AFAP1: variants seen among roughly 807,000 people sequenced by gnomAD.
AFAP1 encodes actin filament-associated protein 1.
A neutral mutation model predicts 93.9 loss-of-function variants in AFAP1; 75 were observed. That is an observed-to-expected ratio of 0.80 (90% confidence interval 0.66 to 0.97). The LOEUF (loss-of-function observed/expected upper bound fraction) is 0.97, where lower values mean the gene tolerates loss of function less well. AFAP1 is among the 50% of genes least tolerant of loss of function. The probability of loss-of-function intolerance (pLI) is 0.00; values close to 1 mark genes in which losing one functional copy is unlikely to be tolerated. For synonymous variants in AFAP1, 517 were observed against 430.7 expected, an observed-to-expected ratio of 1.20 and a Z score of -2.48; for missense variants, 1,201 against 1,050.8, an observed-to-expected ratio of 1.14 and a Z score of -1.98.
chr4:7,800,558 T>A lies in AFAP1; in HGVS notation c.1150A>T (p.Lys384Ter), dbSNP rs773131032. The A allele has an allele frequency of 6.2e-7, 1 of 1,614,204 alleles. No individual in the cohort carries two copies. The highest frequency in any genetic ancestry group is 8.5e-7 in the Non-Finnish European group (1 of 1,180,032). Residue 384 changes from lysine to a stop codon, truncating the protein, a stop_gained, in exon 10 of 18, where the codon AAG becomes TAG. Transcript: ENST00000420658. LOFTEE classifies it high-confidence loss of function. ...LIFHKDRTDLKTHIVSIPLRG... is the reference protein window; with the variant it reads ...LIFHKDRTDL The stretch of plus-strand genomic sequence containing the variant: ...AGCGGAATAGACACAATATGGGTCT[T>A]CAGGTCGGTCCTGTCCTTGTGGAAA...
intron 1 of AFAP1, among the ~76,000 whole-genome samples, chr4:7,887,684 G>A (rs1304637687): frequency 3.3e-5 from 5 of 152,124 alleles, no homozygotes; most frequent in Admixed American, 2.0e-4. Flanking sequence ...GAATATTCAC[G>A]TACGCATATA....
chr4:7,939,707 C>A lies in AFAP1; in HGVS notation c.-54G>T, dbSNP rs1029450408. The stretch of plus-strand genomic sequence containing the variant: ...CTCCTCGCCGCGGCGCCTGGGCCGA[C>A]TGGAGCGCAGCTGAACAGCCGACAG... On this transcript the variant is annotated 5_prime_UTR_variant, in exon 1 of 18. Transcript: ENST00000420658. The surrounding 1 kb of genome is among the most constrained non-coding windows in gnomAD (Gnocchi z 5.6). 9.6e-6 allele frequency: 4 copies of A among 415,012 alleles called. No individual in the cohort carries two copies. Among genetic ancestry groups the A allele is most frequent in the Non-Finnish European group, 1.9e-5 (4 of 209,864 alleles). The allele number at this position is 415,012 out of a possible 1,614,324, so 25.7% of individuals were successfully genotyped here.
intron 1 of AFAP1, among the ~76,000 whole-genome samples, chr4:7,913,367 G>T (rs141751616): frequency 4.1e-5 from 6 of 145,010 alleles, no homozygotes; most frequent in Non-Finnish European, 9.0e-5. Context: ...TCCAGCCTGG[G>T]AGACAGTAAG....
At chr4:7,850,757 C>T (rs1489920667) in intron 4 of AFAP1, among the ~76,000 whole-genome samples, 3 of 152,344 alleles carry the variant, frequency 2.0e-5, no homozygotes, top group East Asian at 1.9e-4. Flanking sequence ...TCTCCCGCTT[C>T]GGTGTTTTGT....
Position 7,759,588 on chromosome 4 carries a change from C to T in AFAP1, c.*4177G>A, listed in dbSNP as rs552269033. The T allele has an allele frequency of 6.7e-4, 102 of 152,812 alleles. No individual in the cohort carries two copies. Among genetic ancestry groups the T allele is most frequent in the African/African-American group, 2.4e-3 (98 of 41,582 alleles). The allele number at this position is 152,812 out of a possible 1,614,324, so 9.5% of individuals were successfully genotyped here. A position where few individuals can be genotyped will look rare whatever the true frequency, so the allele number is the denominator to read the frequency against. The stretch of plus-strand genomic sequence containing the variant: ...AACCAGGAAAAAATGAATTATCCTC[C>T]TTCAAACTATGTCATGAACTTGAAG... On this transcript the variant is annotated 3_prime_UTR_variant, in exon 18 of 18. Transcript: ENST00000420658.
At chr4:7,772,704 C>T (rs1715600293) in intron 16 of AFAP1, 116 bp downstream of exon 16, 1 of 964,640 alleles carries the variant, frequency 1.0e-6, no homozygotes. Context: ...GCTGGGCACA[C>T]TAAGGGGCCA....
chr4:7,817,642 G>A (rs56244096), intron 7 of AFAP1, among the ~76,000 whole-genome samples: 21,234 of 151,394 alleles, frequency 0.14, 1,665 homozygotes, highest in East Asian at 0.25. Context: ...TAATGGGGGG[G>A]GCAGTTACAT....
intron 12 of AFAP1, 98 bp downstream of exon 12, chr4:7,786,096 C>T (rs1321956092): frequency 2.7e-6 from 3 of 1,120,452 alleles, no homozygotes; most frequent in Admixed American, 1.9e-5. Flanking sequence ...AAAAAGCTGA[C>T]CTTATTCAGA....
rs1714082153 is a variant in AFAP1, at chr4:7,763,348, C to G, written c.*417G>C. 5.0e-6 allele frequency: 1 copy of G among 200,204 alleles called. No homozygotes were observed. Among genetic ancestry groups the G allele is most frequent in the Non-Finnish European group, 1.0e-5 (1 of 98,912 alleles). 12.4% of individuals were successfully genotyped at this position (200,204 alleles called of 1,614,324 possible). A position where few individuals can be genotyped will look rare whatever the true frequency, so the allele number is the denominator to read the frequency against. On this transcript the variant is annotated 3_prime_UTR_variant, in exon 18 of 18. Transcript: ENST00000420658. ...GTGCCCATGGCCAGCCACACTCATG[C>G]CCGGGGCAGCCGGGGATCCAAGCTC...
intron 16 of AFAP1, 26 bp from the exon 17 acceptor site, chr4:7,769,034 T>G (rs1442543146): frequency 6.4e-7 from 1 of 1,565,008 alleles, no homozygotes; most frequent in Non-Finnish European, 8.7e-7. Context: ...GAACCCCATG[T>G]GATGAGCGGT....
At chr4:7,868,527 T>C in intron 3 of AFAP1, 95 bp downstream of exon 3, 1 of 1,071,988 alleles carries the variant, frequency 9.3e-7, no homozygotes, top group Non-Finnish European at 1.3e-6. Context: ...AGGGCTCCAT[T>C]CTTCCACACC....
chr4:7,815,961 TTTTG>T (rs1469335548), intron 8 of AFAP1, 53 bp downstream of exon 8: 10 of 1,472,474 alleles, frequency 6.8e-6, no homozygotes, highest in South Asian at 2.4e-5. Context: ...GGCTGTAGAT[TTTTG>T]TTTTTGTTTT....
chr4:7,837,797 T>C (rs28615798), intron 6 of AFAP1, among the ~76,000 whole-genome samples: 26 of 152,306 alleles, frequency 1.7e-4, no homozygotes, highest in African/African-American at 6.3e-4. Flanking sequence ...GGTGGGCGGA[T>C]CACTTGAGCT....
At chr4:7,771,913 G>A (rs1007206804) in intron 16 of AFAP1, among the ~76,000 whole-genome samples, 3 of 152,150 alleles carry the variant, frequency 2.0e-5, no homozygotes, top group Non-Finnish European at 4.4e-5. Context: ...GGAAGAACAG[G>A]CTGTGCGGGT....
chr4:7,837,353 C>G (rs1228570894), intron 6 of AFAP1, among the ~76,000 whole-genome samples: 1 of 152,080 alleles, frequency 6.6e-6, no homozygotes, highest in Non-Finnish European at 1.5e-5. Flanking sequence ...GGGCAGAGCC[C>G]CCATGAATGG....
chr4:7,883,598 T>C (rs1717975066), intron 1 of AFAP1, among the ~76,000 whole-genome samples: 1 of 152,196 alleles, frequency 6.6e-6, no homozygotes, highest in Non-Finnish European at 1.5e-5. Flanking sequence ...TATTGGCAGC[T>C]GATGTGAAAG....
chr4:7,861,214 C>A (rs1412834933), intron 3 of AFAP1, among the ~76,000 whole-genome samples: 2 of 152,188 alleles, frequency 1.3e-5, no homozygotes, highest in Admixed American at 6.5e-5. Flanking sequence ...AAAATCAGGG[C>A]TCCAGTTCCA....
rs112284748 is a variant in AFAP1, at chr4:7,839,384, T to C, written c.547-681A>G. ...CAAAAAAACCCAACACACACAAATA[T>C]ATATTTAACATAAATGTTTATTTAA... On this transcript the variant is annotated intron_variant, in intron 5 of 17. Coordinates refer to ENST00000420658, the MANE Select transcript of AFAP1 (RefSeq NM_001134647.2). Among the ~76,000 whole-genome samples the C allele has an allele frequency of 7.4e-5, 10 of 134,726 alleles. No individual in the cohort carries two copies. In the East Asian group the frequency reaches 1.9e-3, roughly 26 times the overall value. 88.4% of individuals were successfully genotyped at this position (134,726 alleles called of 152,430 possible).
intron 3 of AFAP1, among the ~76,000 whole-genome samples, chr4:7,857,888 TC>T (rs1157060265): frequency 1.3e-5 from 2 of 152,128 alleles, no homozygotes; most frequent in Non-Finnish European, 2.9e-5. Context: ...GCAGACACTT[TC>T]AAACCCTATT....
Sources: gnomAD v4.1 joint callset for allele counts (sites outside exome capture counted in the v4.1 genomes callset) on GRCh38, gnomAD v4.1.1 for gene constraint, Gnocchi (gnomAD v3.1) non-coding constraint, MANE v1.5 for transcripts, NCBI Gene and HGNC (gene_info 2026-07-23, HGNC 2026-07-21) for gene names.